The following CHRNA7 variants were observed in gnomAD, a reference collection of about 807,000 sequenced individuals.
CHRNA7 encodes neuronal acetylcholine receptor subunit alpha-7.
In CHRNA7, 17 loss-of-function variants were observed where a neutral mutation model predicts 48.0. The observed-to-expected ratio is 0.35, with a 90% CI of 0.24 to 0.53. The LOEUF (loss-of-function observed/expected upper bound fraction) is 0.53, where lower values mean the gene tolerates loss of function less well. CHRNA7 is among the 20% of genes least tolerant of loss of function. CHRNA7 has a pLI of 0.92. For missense variants in CHRNA7, 155 were observed against 577.7 expected (o/e 0.27, Z 7.50); for synonymous variants, 75 against 242.3 (o/e 0.31, Z 6.41).
chr15:32,047,788 C>T (rs1043975671), intron 2 of CHRNA7, among the ~76,000 whole-genome samples: 21 of 152,140 alleles, frequency 1.4e-4, no homozygotes, highest in East Asian at 1.3e-3. Flanking sequence ...GCCCATTCAG[C>T]ATGATATTGA....
intron 4 of CHRNA7, among the ~76,000 whole-genome samples, chr15:32,115,888 CAAAGG>C (rs1328040763): frequency 6.6e-6 from 1 of 152,078 alleles, no homozygotes; most frequent in East Asian, 1.9e-4. Context: ...AGAAAGAAAG[CAAAGG>C]AAAGAAATCA....
intron 2 of CHRNA7, among the ~76,000 whole-genome samples, chr15:32,061,807 A>G (rs1472961520): frequency 6.6e-6 from 1 of 152,132 alleles, no homozygotes; most frequent in Non-Finnish European, 1.5e-5. Flanking sequence ...GACTTCATCT[A>G]AAAAACAACA....
intron 2 of CHRNA7, among the ~76,000 whole-genome samples, chr15:32,049,184 C>G (rs200464564): frequency 2.0e-5 from 3 of 151,868 alleles, no homozygotes; most frequent in African/African-American, 7.3e-5. Flanking sequence ...GAGCTGAGTT[C>G]AGTTCCTGGG....
At chr15:32,073,927 C>A (rs942249841) in intron 2 of CHRNA7, among the ~76,000 whole-genome samples, 1 of 152,050 alleles carries the variant, frequency 6.6e-6, no homozygotes. Context: ...TCAGGTATTC[C>A]TTTTTACCAA....
At chr15:32,083,682 G>A (rs975720769) in intron 2 of CHRNA7, among the ~76,000 whole-genome samples, 26 of 152,228 alleles carry the variant, frequency 1.7e-4, no homozygotes, top group African/African-American at 5.8e-4. Flanking sequence ...CCAGTTCAGG[G>A]TTTATAATGA....
At position 32,066,370 on chromosome 15, in the gene CHRNA7, C is replaced by T. The variant is rs181016082; in HGVS notation, c.196-34933C>T. On this transcript the variant is annotated intron_variant, in intron 2 of 9. Coordinates refer to ENST00000306901, the MANE Select transcript of CHRNA7 (RefSeq NM_000746.6). ...GATGTCCACTCACTGCAACCTCCAC[C>T]TCCTGGGTTCAAGCCATTCTTCTGC... Among the ~76,000 whole-genome samples, 84 of 152,088 alleles carry T rather than the reference C, an allele frequency of 5.5e-4. 1 individual carries two copies. The highest frequency in any genetic ancestry group is 2.0e-3 in the African/African-American group (84 of 41,502).
intron 4 of CHRNA7, among the ~76,000 whole-genome samples, chr15:32,143,136 G>A (rs1398538921): frequency 6.6e-6 from 1 of 152,138 alleles, no homozygotes; most frequent in African/African-American, 2.4e-5. Context: ...GTTCTCATTG[G>A]TTTCAAAGAA....
rs147720114 is a variant in CHRNA7, at chr15:32,049,945, C to A, written c.195+18908C>A. The stretch of plus-strand genomic sequence containing the variant: ...GGATATGAAATTCTAGGTGAAAATT[C>A]TTTTCTTTGAGAATGTTGAATATTG... On this transcript the variant is annotated intron_variant, in intron 2 of 9. Coordinates refer to ENST00000306901, the MANE Select transcript of CHRNA7 (RefSeq NM_000746.6). Among the ~76,000 whole-genome samples the A allele has an allele frequency of 7.2e-3, 1,097 of 152,240 alleles. 13 individuals carry two copies. Among genetic ancestry groups the A allele is most frequent in the African/African-American group, 0.025 (1,028 of 41,516 alleles).
At chr15:32,078,263 A>G (rs1263689639) in intron 2 of CHRNA7, among the ~76,000 whole-genome samples, 1 of 152,150 alleles carries the variant, frequency 6.6e-6, no homozygotes, top group African/African-American at 2.4e-5. Context: ...TTCGTAGATC[A>G]TCCTTTGGTG....
chr15:32,150,650 G>C (rs1486339963), intron 4 of CHRNA7, among the ~76,000 whole-genome samples: 1 of 152,150 alleles, frequency 6.6e-6, no homozygotes, highest in Non-Finnish European at 1.5e-5. Flanking sequence ...AGTCATTTGA[G>C]TGTGTGACTT....
chr15:32,088,859 T>C (rs146780210), intron 2 of CHRNA7, among the ~76,000 whole-genome samples: 1 of 152,276 alleles, frequency 6.6e-6, no homozygotes, highest in African/African-American at 2.4e-5. Flanking sequence ...TGTATCCCAG[T>C]CTGTAGTTTT....
chr15:32,114,111 CACAT>C (rs1266862675), intron 4 of CHRNA7, among the ~76,000 whole-genome samples: 1 of 145,906 alleles, frequency 6.9e-6, no homozygotes, highest in Admixed American at 6.8e-5. Flanking sequence ...TATACACACA[CACAT>C]ACATACATAT....
intron 2 of CHRNA7, among the ~76,000 whole-genome samples, chr15:32,034,922 T>C (rs973149140): frequency 5.3e-5 from 8 of 151,994 alleles, no homozygotes; most frequent in African/African-American, 1.9e-4. Flanking sequence ...GAGCAGTGAG[T>C]GTGAGACGGG....
intron 2 of CHRNA7, among the ~76,000 whole-genome samples, chr15:32,057,784 A>G (rs1442383674): frequency 6.6e-6 from 1 of 152,212 alleles, no homozygotes; most frequent in Non-Finnish European, 1.5e-5. Context: ...AAAGGATAAC[A>G]GATATGTTGA....
intron 2 of CHRNA7, among the ~76,000 whole-genome samples, chr15:32,052,922 T>C (rs1249570205): frequency 6.6e-6 from 1 of 152,170 alleles, no homozygotes; most frequent in Non-Finnish European, 1.5e-5. Context: ...AGGTGGTAGA[T>C]ACCCCGATGA....
chr15:32,122,657 G>A (rs1260151761), intron 4 of CHRNA7, among the ~76,000 whole-genome samples: 1 of 151,910 alleles, frequency 6.6e-6, no homozygotes, highest in Admixed American at 6.6e-5. Flanking sequence ...TGAGGTAAGG[G>A]TCTAACTTTA....
At chr15:32,106,502 C>T (rs1013236868) in intron 3 of CHRNA7, among the ~76,000 whole-genome samples, 1 of 152,196 alleles carries the variant, frequency 6.6e-6, no homozygotes, top group Non-Finnish European at 1.5e-5. Flanking sequence ...CTTCATCTCT[C>T]TGTTCACCTC....
intron 4 of CHRNA7, among the ~76,000 whole-genome samples, chr15:32,134,402 G>A (rs931105670): frequency 3.9e-5 from 6 of 152,134 alleles, no homozygotes; most frequent in Admixed American, 6.5e-5. Flanking sequence ...CAGGTGATCC[G>A]CCCTCCTCGG....
At chr15:32,055,960 C>T (rs968860496) in intron 2 of CHRNA7, among the ~76,000 whole-genome samples, 1 of 151,546 alleles carries the variant, frequency 6.6e-6, no homozygotes, top group African/African-American at 2.4e-5. Flanking sequence ...GCCTGGGTGA[C>T]AGAGCGAGAC....
Sources: allele counts gnomAD v4.1 joint callset (sites outside exome capture counted in the v4.1 genomes callset), GRCh38; gene constraint gnomAD v4.1.1; transcripts MANE v1.5; gene names NCBI Gene and HGNC (gene_info 2026-07-23, HGNC 2026-07-21).